SMCO4: variants seen among roughly 807,000 people sequenced by gnomAD.
SMCO4 encodes single-pass membrane and coiled-coil domain-containing protein 4.
A neutral mutation model predicts 3.6 loss-of-function variants in SMCO4; 4 were observed. The observed-to-expected ratio is 1.11, with a 90% confidence interval of 0.54 to 2.53. SMCO4 has a LOEUF of 2.53. Among genes scored for constraint, SMCO4 ranks in the 30% most tolerant of loss-of-function variants. The probability of loss-of-function intolerance (pLI) is 0.02; values close to 1 mark genes in which losing one functional copy is unlikely to be tolerated. For synonymous variants in SMCO4, 36 were observed against 35.3 expected, an observed-to-expected ratio of 1.02 and a Z score of -0.07; for missense variants, 70 against 80.8, an observed-to-expected ratio of 0.87 and a Z score of 0.51.
At chr11:93,487,673 C>T (rs1948667014) in intron 2 of SMCO4, among the ~76,000 whole-genome samples, 1 of 152,166 alleles carries the variant, frequency 6.6e-6, no homozygotes, top group Non-Finnish European at 1.5e-5. Flanking sequence ...TTTTTTGGCA[C>T]ACTTGGATTA....
chr11:93,517,101 A>G (rs1308385824), intron 1 of SMCO4, among the ~76,000 whole-genome samples: 1 of 152,152 alleles, frequency 6.6e-6, no homozygotes, highest in Non-Finnish European at 1.5e-5. Context: ...TCAGAAACAT[A>G]AAATACATTT....
At chr11:93,524,417 T>C (rs1184651152) in intron 1 of SMCO4, among the ~76,000 whole-genome samples, 1 of 152,160 alleles carries the variant, frequency 6.6e-6, no homozygotes, top group Non-Finnish European at 1.5e-5. Context: ...TTCTCGGTTG[T>C]GTTTTATGAA....
intron 1 of SMCO4, among the ~76,000 whole-genome samples, chr11:93,510,826 C>T (rs1044429278): frequency 2.0e-5 from 3 of 152,186 alleles, no homozygotes; most frequent in African/African-American, 4.8e-5. Context: ...CAGGCCACTG[C>T]AGTGGCTCAT....
At chr11:93,547,261 T>C (rs1319679105), upstream of SMCO4, among the ~76,000 whole-genome samples, 2 of 152,190 alleles carry the variant, frequency 1.3e-5, no homozygotes, top group Non-Finnish European at 2.9e-5. Flanking sequence ...TCAGCCTTGG[T>C]TAGCTTGGCC....
chr11:93,544,246 G>T (rs563655112), upstream of SMCO4, among the ~76,000 whole-genome samples: 2 of 152,254 alleles, frequency 1.3e-5, no homozygotes, highest in South Asian at 2.1e-4. Flanking sequence ...GTATGTAAAT[G>T]GTAGTTATTG....
intron 1 of SMCO4, among the ~76,000 whole-genome samples, chr11:93,524,543 C>A (rs1949088091): frequency 6.6e-6 from 1 of 152,154 alleles, no homozygotes; most frequent in Non-Finnish European, 1.5e-5. Context: ...CTGGACAAGA[C>A]TTTCTGGGCA....
chr11:93,482,216 C>T lies in SMCO4; in HGVS notation c.-80-2947G>A, dbSNP rs541943225. Among the ~76,000 whole-genome samples the T allele has an allele frequency of 3.9e-5, 6 of 152,242 alleles. No individual in the cohort carries two copies. The South Asian group carries it at 8.3e-4, about 21-fold the overall frequency. On this transcript the variant is annotated intron_variant, in intron 2 of 2. Transcript: ENST00000298966. ...GCAAGGGAAAGCATCTCTGAGATAACGACTGGGGAGGGGACCCTATGGTGA... is the reference window on the plus strand; with the variant it reads ...GCAAGGGAAAGCATCTCTGAGATAATGACTGGGGAGGGGACCCTATGGTGA...
chr11:93,550,832 A>G, the SMCO4 span, among the ~76,000 whole-genome samples: 2 of 152,240 alleles, frequency 1.3e-5, no homozygotes, highest in Non-Finnish European at 1.5e-5. Context: ...ATCCCAAAGT[A>G]AAAAATAACA....
chr11:93,530,823 A>G (rs1176174045), intron 1 of SMCO4, among the ~76,000 whole-genome samples: 14 of 152,050 alleles, frequency 9.2e-5, no homozygotes, highest in Admixed American at 9.2e-4. Context: ...TTCTCAGCAA[A>G]GCCCTCCTTG....
chr11:93,487,874 A>C (rs550683160), intron 2 of SMCO4, among the ~76,000 whole-genome samples: 1 of 152,348 alleles, frequency 6.6e-6, no homozygotes, highest in African/African-American at 2.4e-5. Flanking sequence ...TTCAATTACT[A>C]TGTTGTCAAA....
intron 2 of SMCO4, among the ~76,000 whole-genome samples, chr11:93,483,001 T>C (rs1242123227): frequency 1.3e-5 from 2 of 152,152 alleles, no homozygotes; most frequent in African/African-American, 4.8e-5. Context: ...AAGAGGTCTC[T>C]GTAGGAGCAA....
At chr11:93,509,007 C>T (rs185365360) in intron 1 of SMCO4, among the ~76,000 whole-genome samples, 6 of 152,140 alleles carry the variant, frequency 3.9e-5, no homozygotes, top group African/African-American at 7.2e-5. Flanking sequence ...AAATTGCTCA[C>T]GGCCAGGTGC....
At position 93,478,619 on chromosome 11, in the gene SMCO4, A is replaced by C; in HGVS notation, c.*391T>G. 1 of 172,500 alleles carries C rather than the reference A, an allele frequency of 5.8e-6. No homozygotes were observed. Among genetic ancestry groups the C allele is most frequent in the South Asian group, 1.8e-4 (1 of 5,640 alleles). The allele number at this position is 172,500 out of a possible 1,614,324, so 10.7% of individuals were successfully genotyped here. A position where few individuals can be genotyped will look rare whatever the true frequency, so the allele number is the denominator to read the frequency against. On this transcript the variant is annotated 3_prime_UTR_variant, in exon 3 of 3. Transcript: ENST00000298966. ...AAGAAGCATGATCCAAACAATGGGA[A>C]TGAGGTGAGTGTGGATTCCAGCTGT... is the stretch of plus-strand genomic sequence containing the variant.
rs368460500 is a variant in SMCO4, at chr11:93,493,259, C to T, written c.-81+6017G>A. On this transcript the variant is annotated intron_variant, in intron 2 of 2. Transcript: ENST00000298966. ...TCCAGGTCAGCAAGAGTCAGACCAG[C>T]TCCAGTCTTAGGTCCACTCAGGCCA... 1.4e-3 allele frequency among the ~76,000 whole-genome samples: 215 copies of T among 152,270 alleles called. 5 individuals carry two copies. In the South Asian group the frequency reaches 0.042, roughly 30 times the overall value.
At position 93,542,218 on chromosome 11, in the gene SMCO4, A is replaced by G. The variant is rs766785570; in HGVS notation, c.-154+1058T>C. Among the ~76,000 whole-genome samples, 3 of 151,976 alleles carry G rather than the reference A, an allele frequency of 2.0e-5. No individual in the cohort carries two copies. The South Asian group carries it at 6.2e-4, about 32-fold the overall frequency. On this transcript the variant is annotated intron_variant, in intron 1 of 2. Transcript: ENST00000298966. ...TCCAGAACCACTTGTTTCTGAAAGC[A>G]CCAACCTACGCAGACACTAGCAGGC...
intron 1 of SMCO4, among the ~76,000 whole-genome samples, chr11:93,520,489 G>A (rs972598625): frequency 6.6e-6 from 1 of 152,186 alleles, no homozygotes; most frequent in African/African-American, 2.4e-5. Flanking sequence ...TGGAAGCACA[G>A]GCAGGACAGG....
At chr11:93,514,458 T>C (rs1410023341) in intron 1 of SMCO4, among the ~76,000 whole-genome samples, 2 of 142,574 alleles carry the variant, frequency 1.4e-5, no homozygotes, top group Admixed American at 7.2e-5. Context: ...CCTAAGTGTG[T>C]AATTCCTGAC....
At chr11:93,516,921 G>A (rs545328909) in intron 1 of SMCO4, among the ~76,000 whole-genome samples, 121 of 152,262 alleles carry the variant, frequency 7.9e-4, no homozygotes, top group African/African-American at 2.9e-3. Context: ...ACCAGTGAAA[G>A]TCAGACTAGC....
intron 2 of SMCO4, chr11:93,481,544 CGGCCCTGTGAGTCAGACAGACA>C: frequency 1.0e-6 from 1 of 984,322 alleles, no homozygotes; most frequent in East Asian, 1.1e-4. Context: ...CACACCCCAA[CGGCCCTGTGAGTCAGACAGACA>C]GGCTTTATTA....
Sources: gnomAD v4.1 joint callset for allele counts (sites outside exome capture counted in the v4.1 genomes callset) on GRCh38, gnomAD v4.1.1 for gene constraint, MANE v1.5 for transcripts, NCBI Gene and HGNC (gene_info 2026-07-23, HGNC 2026-07-21) for gene names.